PARVA: variants seen among roughly 807,000 people sequenced by gnomAD.
PARVA encodes alpha-parvin.
Under a neutral mutation model 52.6 loss-of-function variants are expected in PARVA, and 25 were observed. That is an observed-to-expected ratio of 0.48 (90% CI 0.35 to 0.66). The LOEUF (loss-of-function observed/expected upper bound fraction) is 0.66. Among genes scored for constraint, PARVA ranks in the 30% least tolerant of loss-of-function variants. PARVA has a pLI of 0.01. For synonymous variants in PARVA, 185 were observed against 179.1 expected (o/e 1.03, Z -0.26); for missense variants, 373 against 450.9 (o/e 0.83, Z 1.56).
At chr11:12,514,584 T>G (rs1941546403) in intron 10 of PARVA, among the ~76,000 whole-genome samples, 2 of 152,128 alleles carry the variant, frequency 1.3e-5, no homozygotes, top group African/African-American at 4.8e-5. Context: ...GCCTCCCAGG[T>G]TCAAGCGATT....
intron 1 of PARVA, among the ~76,000 whole-genome samples, chr11:12,450,767 G>C (rs1025007429): frequency 3.9e-4 from 59 of 152,160 alleles, no homozygotes; most frequent in African/African-American, 1.3e-3. Context: ...AAAAACTGAA[G>C]AACTGGAGTC....
chr11:12,500,669 T>A (rs540260776), intron 5 of PARVA, among the ~76,000 whole-genome samples: 1 of 151,824 alleles, frequency 6.6e-6, no homozygotes, highest in Non-Finnish European at 1.5e-5. Context: ...CAGGTGCCTG[T>A]AATCCCAGCT....
At chr11:12,454,396 T>C (rs1317536146) in intron 1 of PARVA, among the ~76,000 whole-genome samples, 1 of 152,178 alleles carries the variant, frequency 6.6e-6, no homozygotes, top group Non-Finnish European at 1.5e-5. Context: ...ATTTTGACAG[T>C]AAAGTCATTA....
At chr11:12,384,898 T>C (rs2134946533) in intron 1 of PARVA, among the ~76,000 whole-genome samples, 1 of 152,174 alleles carries the variant, frequency 6.6e-6, no homozygotes, top group African/African-American at 2.4e-5. Context: ...TACTCAGAGT[T>C]AGATGGGAAG....
chr11:12,423,356 T>G (rs1173944686), intron 1 of PARVA, among the ~76,000 whole-genome samples: 59 of 149,692 alleles, frequency 3.9e-4, no homozygotes, highest in African/African-American at 1.2e-3. Context: ...TTTTTGTTTT[T>G]TTTTTTTTTT....
intron 4 of PARVA, among the ~76,000 whole-genome samples, chr11:12,495,126 G>A (rs76653184): frequency 5.3e-5 from 8 of 152,206 alleles, no homozygotes; most frequent in Non-Finnish European, 8.8e-5. Context: ...TCTTCAAGAT[G>A]TAAGAAGAAG....
At chr11:12,378,009 G>C (rs1298319216) in intron 1 of PARVA, among the ~76,000 whole-genome samples, 1 of 148,754 alleles carries the variant, frequency 6.7e-6, no homozygotes, top group Non-Finnish European at 1.5e-5. Context: ...CCCGCTCGCG[G>C]TCGCCCGGGC....
At chr11:12,513,188 A>C in intron 8 of PARVA, 111 bp from the exon 9 acceptor site, 1 of 852,112 alleles carries the variant, frequency 1.2e-6, no homozygotes, top group South Asian at 1.3e-5. Flanking sequence ...GAGGCTTCCC[A>C]TCGGTAGTTG....
chr11:12,499,376 G>A (rs543904991), intron 5 of PARVA, among the ~76,000 whole-genome samples: 1 of 151,640 alleles, frequency 6.6e-6, no homozygotes, highest in East Asian at 1.9e-4. Flanking sequence ...CAGGATGAGG[G>A]TGGTAGGGAC....
chr11:12,450,005 C>A (rs569734903), intron 1 of PARVA, among the ~76,000 whole-genome samples: 1 of 152,304 alleles, frequency 6.6e-6, no homozygotes, highest in Non-Finnish European at 1.5e-5. Context: ...GTTCCAAACC[C>A]TTCCTGCATA....
chr11:12,504,774 G>GGGGT (rs1554901960), intron 6 of PARVA, among the ~76,000 whole-genome samples: 28 of 149,240 alleles, frequency 1.9e-4, no homozygotes, highest in African/African-American at 6.7e-4. Context: ...AAGGTATGTG[G>GGGGT]GTGTGTGTGT....
intron 8 of PARVA, chr11:12,513,098 C>G: frequency 1.4e-6 from 1 of 692,966 alleles, no homozygotes; most frequent in South Asian, 1.5e-5. Flanking sequence ...CGGACACAGA[C>G]ACAGGCTCCC....
chr11:12,500,040 G>A (rs2135063320), intron 5 of PARVA, among the ~76,000 whole-genome samples: 1 of 152,174 alleles, frequency 6.6e-6, no homozygotes, highest in Non-Finnish European at 1.5e-5. Context: ...CTCCCTGCTT[G>A]TAGCCATAAT....
At chr11:12,402,204 T>C (rs1190359194) in intron 1 of PARVA, among the ~76,000 whole-genome samples, 1 of 151,882 alleles carries the variant, frequency 6.6e-6, no homozygotes, top group Non-Finnish European at 1.5e-5. Flanking sequence ...AGATAAGAAG[T>C]AAGGGGACAG....
intron 1 of PARVA, among the ~76,000 whole-genome samples, chr11:12,408,130 TCA>T (rs1342690646): frequency 6.6e-6 from 1 of 152,210 alleles, no homozygotes; most frequent in Non-Finnish European, 1.5e-5. Flanking sequence ...TCCCCTGTTG[TCA>T]CCACATGCCC....
At chr11:12,463,096 GTTTTCGTA>G (rs1940806437) in intron 1 of PARVA, among the ~76,000 whole-genome samples, 1 of 151,694 alleles carries the variant, frequency 6.6e-6, no homozygotes, top group Admixed American at 6.6e-5. Context: ...GGAGTACAGA[GTTTTCGTA>G]TATCCCACGC....
chr11:12,445,088 ACT>A (rs1288790053), intron 1 of PARVA, among the ~76,000 whole-genome samples: 1 of 152,090 alleles, frequency 6.6e-6, no homozygotes, highest in South Asian at 2.1e-4. Context: ...GGGAAAACTA[ACT>A]CTGATTGTAT....
At chr11:12,414,028 C>G (rs1940029613) in intron 1 of PARVA, among the ~76,000 whole-genome samples, 1 of 152,182 alleles carries the variant, frequency 6.6e-6, no homozygotes, top group African/African-American at 2.4e-5. Flanking sequence ...TGGCTGGGCC[C>G]CTGGGATTCC....
chr11:12,404,299 G>C (rs1253716599), intron 1 of PARVA, among the ~76,000 whole-genome samples: 1 of 152,156 alleles, frequency 6.6e-6, no homozygotes, highest in Non-Finnish European at 1.5e-5. Flanking sequence ...GGAATGAAAG[G>C]CTTATGATTT....
Sources: allele counts gnomAD v4.1 joint callset (sites outside exome capture counted in the v4.1 genomes callset), GRCh38; gene constraint gnomAD v4.1.1; transcripts MANE v1.5; gene names NCBI Gene and HGNC (gene_info 2026-07-23, HGNC 2026-07-21).